SLU7: variants seen among roughly 807,000 people sequenced by gnomAD.
SLU7 encodes the protein spliceosome associated SLU7, also known as pre-mRNA-splicing factor SLU7.
Under a neutral mutation model 87.0 loss-of-function variants are expected in SLU7, and 60 were observed. The ratio of observed to expected loss-of-function variants is 0.69; its 90% CI spans 0.56 to 0.86. The LOEUF is 0.86. Among genes scored for constraint, SLU7 ranks in the 40% least tolerant of loss-of-function variants. SLU7 has a pLI of 0.00. For synonymous variants in SLU7, 197 were observed against 222.0 expected (o/e 0.89, Z 1.00); for missense variants, 507 against 686.6 (o/e 0.74, Z 2.92).
chr5:160,408,532 C>G (rs1000734217), intron 7 of SLU7, 72 bp from the exon 8 acceptor site: 1 of 1,507,220 alleles, frequency 6.6e-7, no homozygotes, highest in African/African-American at 1.4e-5. Context: ...TCCCCTTTCC[C>G]TTTAACCAAA....
intron 6 of SLU7, among the ~76,000 whole-genome samples, chr5:160,411,447 G>A (rs1765238113): frequency 1.3e-5 from 2 of 151,746 alleles, no homozygotes; most frequent in Admixed American, 6.6e-5. Context: ...TCGAACTCCT[G>A]ACCTCAGATG....
At position 160,403,295 on chromosome 5, in the gene SLU7, A is replaced by G. The variant is rs1358479673; in HGVS notation, c.1751T>C (p.Leu584Pro). The stretch of plus-strand genomic sequence containing the variant: ...TCTTCTGACTAGTTGCTACTGTCCA[A>G]GGAAAGAGGCCATGGGGTCATCTGG... ...QRPDDPMASF[L>P]GQ is the part of the protein sequence containing the mutation. The change falls in exon 16 of 16, where the codon CTT (leucine) becomes CCT (proline). Residue 584 changes from leucine to proline, a missense_variant. Physicochemically the swap from Leu to Pro is moderately conservative, Grantham distance 98. Coordinates refer to ENST00000297151, the MANE Select transcript of SLU7 (RefSeq NM_006425.5). 1.3e-6 allele frequency: 2 copies of G among 1,598,042 alleles called. No homozygotes were observed. Among genetic ancestry groups the G allele is most frequent in the Non-Finnish European group, 8.5e-7 (1 of 1,172,808 alleles).
intron 1 of SLU7, among the ~76,000 whole-genome samples, chr5:160,417,978 T>C (rs1765526158): frequency 6.6e-6 from 1 of 152,116 alleles, no homozygotes; most frequent in Non-Finnish European, 1.5e-5. Flanking sequence ...GTTCCTCTAG[T>C]TCCTCTAACA....
chr5:160,405,473 G>C (rs1764969061), intron 12 of SLU7, among the ~76,000 whole-genome samples: 1 of 152,194 alleles, frequency 6.6e-6, no homozygotes, highest in Non-Finnish European at 1.5e-5. Context: ...CCATTAGATA[G>C]GGCTTGTGTT....
chr5:160,402,864 A>C lies in SLU7; in HGVS notation c.*421T>G, dbSNP rs1764837838. The C allele has an allele frequency of 6.6e-6, 1 of 152,424 alleles. No homozygotes were observed. Among genetic ancestry groups the C allele is most frequent in the South Asian group, 2.1e-4 (1 of 4,830 alleles). 9.4% of individuals were successfully genotyped at this position (152,424 alleles called of 1,614,324 possible). A position where few individuals can be genotyped will look rare whatever the true frequency, so the allele number is the denominator to read the frequency against. The stretch of plus-strand genomic sequence containing the variant: ...AACCGTCTCTACTAAAAATACAAAA[A>C]ATTAGCTGAGCATGGTGGCGGGCGC... On this transcript the variant is annotated 3_prime_UTR_variant, in exon 16 of 16. Coordinates refer to ENST00000297151, the MANE Select transcript of SLU7 (RefSeq NM_006425.5).
intron 1 of SLU7, among the ~76,000 whole-genome samples, chr5:160,417,791 C>CAA (rs33929783): frequency 0.33 from 36,396 of 110,962 alleles, 6,597 homozygotes; most frequent in Non-Finnish European, 0.38. Flanking sequence ...GACTACGTCT[C>CAA]AAAAAAAAAA....
rs3111000 is a variant in SLU7, at chr5:160,402,665, C to G, written c.*620G>C. On this transcript the variant is annotated 3_prime_UTR_variant, in exon 16 of 16. Coordinates refer to ENST00000297151, the MANE Select transcript of SLU7 (RefSeq NM_006425.5). ...AATAAAGTTTGAAGCTTAATAAATACAGAGAAAGAGACATTCTTAATAGGT... is the reference window on the plus strand; with the variant it reads ...AATAAAGTTTGAAGCTTAATAAATAGAGAGAAAGAGACATTCTTAATAGGT... 6.6e-6 allele frequency: 1 copy of G among 152,066 alleles called. No homozygotes were observed. Among genetic ancestry groups the G allele is most frequent in the Non-Finnish European group, 1.5e-5 (1 of 68,032 alleles). 9.4% of individuals were successfully genotyped at this position (152,066 alleles called of 1,614,324 possible).
At chr5:160,404,035 G>A (rs1043901176) in intron 15 of SLU7, among the ~76,000 whole-genome samples, 31 of 152,166 alleles carry the variant, frequency 2.0e-4, no homozygotes, top group Non-Finnish European at 4.3e-4. Context: ...TTTGGAGACA[G>A]GACTAGATCA....
chr5:160,412,943 T>TA (rs34165308), intron 5 of SLU7, among the ~76,000 whole-genome samples: 9 of 149,418 alleles, frequency 6.0e-5, no homozygotes, highest in South Asian at 2.1e-4. Context: ...TACCTCTAAT[T>TA]AAAAAAAAAA....
intron 12 of SLU7, among the ~76,000 whole-genome samples, chr5:160,406,170 T>C (rs562242318): frequency 9.8e-5 from 15 of 152,340 alleles, no homozygotes; most frequent in African/African-American, 3.6e-4. Flanking sequence ...ACTATATGTG[T>C]GTATATATGT....
Position 160,408,697 on chromosome 5 carries a change from T to C in SLU7, c.640A>G (p.Asn214Asp), listed in dbSNP as rs1332185648. 6.5e-7 allele frequency: 1 copy of C among 1,531,654 alleles called. No individual in the cohort carries two copies. Among genetic ancestry groups the C allele is most frequent in the Non-Finnish European group, 8.9e-7 (1 of 1,125,942 alleles). The allele number at this position is 1,531,654 out of a possible 1,614,324, so 94.9% of individuals were successfully genotyped here. The change falls in exon 7 of 16, where the codon AAT becomes GAT. Residue 214 changes from asparagine (N) to aspartate (D), a missense_variant and splice_region_variant. By Grantham distance (23) the Asn-to-Asp change is conservative. This residue lies in a region of SLU7 where 155 missense variants were observed against 154.4 expected (regional missense o/e 1.00). Transcript: ENST00000297151. ...TCTCCCCACTGGTGTTTTGGAGAAT[T>C]CTGCATCATGAAAGAAGAAAAATCA... Reference protein sequence around the residue: ...LASGKLVEQANSPKHQWGEEE... With the variant: ...LASGKLVEQADSPKHQWGEEE...
At position 160,405,065 on chromosome 5, in the gene SLU7, G is replaced by A; in HGVS notation, c.1358C>T (p.Ser453Phe). 2 of 1,613,466 alleles carry A rather than the reference G, an allele frequency of 1.2e-6. No individual in the cohort carries two copies. Among genetic ancestry groups the A allele is most frequent in the Non-Finnish European group, 1.7e-6 (2 of 1,179,542 alleles). ...YKCCHSFFKY[S>F]YCTGEAGKEI... ...CTTCCCAGCTTCTCCAGTACAATAGGAATACTTGAAAAAAGAGTGACAGCA... is the reference window on the plus strand; with the variant it reads ...CTTCCCAGCTTCTCCAGTACAATAGAAATACTTGAAAAAAGAGTGACAGCA... Residue 453 changes from serine to phenylalanine, a missense_variant, in exon 13 of 16, where the codon TCC (serine) becomes TTC (phenylalanine). Transcript: ENST00000297151.
rs932450958 is a variant in SLU7 at position 160,404,478 on chromosome 5, T to C, written c.1543A>G (p.Ser515Gly). Residue 515 changes from serine (S) to glycine (G), a missense_variant, in exon 15 of 16, where the codon AGT becomes GGT. Coordinates refer to ENST00000297151, the MANE Select transcript of SLU7 (RefSeq NM_006425.5). ...KKKHRKSSSD[S>G]DDEEKKHEKL... ...TCATGCTTCTTTTCTTCATCATCAC[T>C]ATCTGAACTGCTCTTTCGATGCTTC... 4 of 1,610,270 alleles carry C rather than the reference T, an allele frequency of 2.5e-6. No individual in the cohort carries two copies. The African/African-American group carries it at 5.4e-5, about 22-fold the overall frequency.
Position 160,413,436 on chromosome 5 carries a change from A to G in SLU7, c.570+20T>C, listed in dbSNP as rs1561562166. On this transcript the variant is annotated intron_variant, in intron 5 of 15. Transcript: ENST00000297151. ...GGACGATTCTTTAAAAACCCCAGGA[A>G]AGCAGGGAATTTTGCTCACCAAATC... 6.2e-7 allele frequency: 1 copy of G among 1,609,590 alleles called. No homozygotes were observed. Among genetic ancestry groups the G allele is most frequent in the Non-Finnish European group, 8.5e-7 (1 of 1,177,228 alleles).
intron 8 of SLU7, 49 bp from the exon 9 acceptor site, chr5:160,408,117 G>T (rs1363886527): frequency 7.4e-7 from 1 of 1,353,206 alleles, no homozygotes; most frequent in Admixed American, 1.7e-5. Context: ...ACAGCAAAAA[G>T]ATTTCAGCAG....
At chr5:160,410,108 A>T (rs1448715577) in intron 6 of SLU7, among the ~76,000 whole-genome samples, 1 of 152,230 alleles carries the variant, frequency 6.6e-6, no homozygotes, top group Non-Finnish European at 1.5e-5. Flanking sequence ...ATGAATATAT[A>T]AAGATGGATT....
At position 160,407,928 on chromosome 5, in the gene SLU7, C is replaced by T; in HGVS notation, c.917+43G>A. On this transcript the variant is annotated intron_variant, in intron 9 of 15. Coordinates refer to ENST00000297151, the MANE Select transcript of SLU7 (RefSeq NM_006425.5). This position sits in a 1 kb window ranked among gnomAD's most constrained non-coding sequence, Gnocchi z 4.2. ...TATGGTCAGGTCAGAAAACAATTAA[C>T]TTTCTCTCATCTTAAAATCTGTACA... 3 of 1,511,410 alleles carry T rather than the reference C, an allele frequency of 2.0e-6. No homozygotes were observed. Among genetic ancestry groups the T allele is most frequent in the Non-Finnish European group, 2.8e-6 (3 of 1,087,766 alleles). 93.6% of individuals were successfully genotyped at this position (1,511,410 alleles called of 1,614,324 possible).
At chr5:160,415,980 C>A (rs1765438888) in intron 1 of SLU7, among the ~76,000 whole-genome samples, 3 of 152,138 alleles carry the variant, frequency 2.0e-5, no homozygotes, top group African/African-American at 7.2e-5. Flanking sequence ...GCAACCTCCG[C>A]CTCCCAGGTT....
At chr5:160,403,748 T>C (rs1382764895) in intron 15 of SLU7, among the ~76,000 whole-genome samples, 2 of 152,248 alleles carry the variant, frequency 1.3e-5, no homozygotes, top group African/African-American at 2.4e-5. Flanking sequence ...ACTTTACTTA[T>C]ACAAGCTCAC....
Sources: allele counts gnomAD v4.1 joint callset (sites outside exome capture counted in the v4.1 genomes callset), GRCh38; gene constraint gnomAD v4.1.1; regional missense constraint gnomAD v4.1.1; non-coding constraint Gnocchi (gnomAD v3.1); transcripts MANE v1.5; gene names NCBI Gene and HGNC (gene_info 2026-07-23, HGNC 2026-07-21).